The following ANK1 variants were observed in gnomAD, a reference collection of about 807,000 sequenced individuals.
The protein encoded by ANK1 is ankyrin-1.
Under a neutral mutation model 210.4 loss-of-function variants are expected in ANK1, and 51 were observed. The ratio of observed to expected loss-of-function variants is 0.24; its 90% CI spans 0.19 to 0.31. The LOEUF (loss-of-function observed/expected upper bound fraction) is 0.31. Among genes scored for constraint, ANK1 ranks in the 10% least tolerant of loss-of-function variants. ANK1 has a pLI of 1.00. For missense variants in ANK1, 2,051 were observed against 2,504.4 expected (o/e 0.82, Z 3.86); for synonymous variants, 967 against 1,025.9 (o/e 0.94, Z 1.10).
chr8:41,838,734 C>T (rs539907182), intron 1 of ANK1, among the ~76,000 whole-genome samples: 17 of 149,864 alleles, frequency 1.1e-4, no homozygotes, highest in African/African-American at 3.3e-4. Context: ...CATTGCACTC[C>T]AGCCTGGGGG....
In ANK1 at chr8:41,700,883, C is replaced by G. The variant is rs558830801; in HGVS notation, c.2461+667G>C. Among the ~76,000 whole-genome samples, 335 of 152,242 alleles carry G rather than the reference C, an allele frequency of 2.2e-3. 4 individuals are homozygous for G. Among genetic ancestry groups the G allele is most frequent in the Non-Finnish European group, 4.3e-4 (29 of 68,014 alleles). The stretch of plus-strand genomic sequence containing the variant: ...ACTCAAGCAATCCTCCCACCTCAGC[C>G]TCTGGAGTAGCTGGGACTACAGATG... On this transcript the variant is annotated intron_variant, in intron 22 of 42. Transcript: ENST00000289734.
intron 36 of ANK1, among the ~76,000 whole-genome samples, chr8:41,685,085 C>T (rs894299108): frequency 1.3e-5 from 2 of 152,166 alleles, no homozygotes; most frequent in African/African-American, 2.4e-5. Context: ...CATGCCACCA[C>T]GCCCTGCTAA....
At chr8:41,843,303 T>C (rs1444318071) in intron 1 of ANK1, among the ~76,000 whole-genome samples, 1 of 152,214 alleles carries the variant, frequency 6.6e-6, no homozygotes, top group African/African-American at 2.4e-5. Flanking sequence ...TAATACATTG[T>C]TGTGAAGTAT....
At chr8:41,838,942 T>C (rs1808346984) in intron 1 of ANK1, among the ~76,000 whole-genome samples, 1 of 151,882 alleles carries the variant, frequency 6.6e-6, no homozygotes, top group South Asian at 2.1e-4. Flanking sequence ...TACGGCATGA[T>C]GGTGCATGCC....
At chr8:41,677,899 G>A (rs796607082) in intron 37 of ANK1, among the ~76,000 whole-genome samples, 24 of 152,122 alleles carry the variant, frequency 1.6e-4, no homozygotes, top group Admixed American at 3.9e-4. Context: ...CTTGGCTTGT[G>A]TTGTTTCTAA....
intron 1 of ANK1, among the ~76,000 whole-genome samples, chr8:41,870,150 C>G (rs929126514): frequency 3.9e-5 from 6 of 152,022 alleles, no homozygotes; most frequent in African/African-American, 1.2e-4. Context: ...ACCTCTGTGC[C>G]CCGAATGAAA....
chr8:41,742,893 T>C (rs1041089719), intron 2 of ANK1, among the ~76,000 whole-genome samples: 1 of 152,188 alleles, frequency 6.6e-6, no homozygotes, highest in African/African-American at 2.4e-5. Flanking sequence ...AAGGAGGAAG[T>C]TGTCTACATA....
intron 37 of ANK1, among the ~76,000 whole-genome samples, chr8:41,680,855 A>T (rs1815752593): frequency 6.6e-6 from 1 of 152,168 alleles, no homozygotes. Flanking sequence ...CCATAGGCAG[A>T]TCCACTGGAT....
chr8:41,700,949 G>A (rs997788260), intron 22 of ANK1, among the ~76,000 whole-genome samples: 1 of 151,964 alleles, frequency 6.6e-6, no homozygotes, highest in Non-Finnish European at 1.5e-5. Flanking sequence ...CTAATTTTTT[G>A]GAGAGACGGG....
rs896900492 is a variant in ANK1, at chr8:41,672,655, C to T, written c.4795G>A (p.Glu1599Lys). ...GAGAGTGCCCCCTCCAACTTCCACT[C>T]GTGACCTGTGGCATCAGAGTCCTCA... ...KAEDSDATGHEWKLEGALSEE... is the reference protein window; with the variant it reads ...KAEDSDATGHKWKLEGALSEE... Residue 1599 changes from glutamate to lysine, a missense_variant, in exon 38 of 43, where the codon GAG becomes AAG. Physicochemically the swap from Glu to Lys is moderately conservative, Grantham distance 56. Around this residue, in one of 6 missense-constraint regions of ANK1, gnomAD observed 496 missense variants for 533.4 expected, o/e 0.93. Transcript: ENST00000289734. 4.3e-6 allele frequency: 7 copies of T among 1,614,104 alleles called. No individual in the cohort carries two copies. The highest frequency in any genetic ancestry group is 2.7e-5 in the African/African-American group (2 of 74,936).
chr8:41,701,439 T>C, intron 22 of ANK1, 111 bp downstream of exon 22: 1 of 931,322 alleles, frequency 1.1e-6, no homozygotes, highest in South Asian at 1.3e-5. Flanking sequence ...CCATCTATAG[T>C]GCTTGGGCGT....
At chr8:41,667,731 AC>A (rs781508398) in intron 39 of ANK1, among the ~76,000 whole-genome samples, 38 of 152,286 alleles carry the variant, frequency 2.5e-4, no homozygotes, top group Non-Finnish European at 4.9e-4. Flanking sequence ...CCCCTCTTCT[AC>A]TTGGTGACCG....
chr8:41,793,566 G>A (rs146892949), intron 1 of ANK1, among the ~76,000 whole-genome samples: 1 of 152,204 alleles, frequency 6.6e-6, no homozygotes, highest in Non-Finnish European at 1.5e-5. Flanking sequence ...ATGGATTAGA[G>A]GGAGTGAGAC....
At chr8:41,877,098 A>T (rs1816745159) in intron 1 of ANK1, among the ~76,000 whole-genome samples, 1 of 152,218 alleles carries the variant, frequency 6.6e-6, no homozygotes, top group Non-Finnish European at 1.5e-5. Context: ...GTTCAAGACC[A>T]GACTGGGCCA....
At chr8:41,701,907 G>A (rs1463720116) in intron 21 of ANK1, 145 bp downstream of exon 21, 2 of 872,024 alleles carry the variant, frequency 2.3e-6, no homozygotes, top group African/African-American at 3.3e-5. Flanking sequence ...GCTGGAAGGA[G>A]GACAAGCTCC....
At position 41,680,565 on chromosome 8, in the gene ANK1, C is replaced by CA. The variant is rs3063741; in HGVS notation, c.4537+3978dup. ...GGGCAACAAGGGTGAAACTCTATCT[C>CA]AAAAAAAAAAAAAAAAAAAGTATGG... On this transcript the variant is annotated intron_variant, in intron 37 of 42. Coordinates refer to ENST00000289734, the MANE Select transcript of ANK1 (RefSeq NM_000037.4). 2.4e-3 allele frequency among the ~76,000 whole-genome samples: 298 copies of CA among 123,516 alleles called. 1 individual carries two copies. The highest frequency in any genetic ancestry group is 3.3e-3 in the African/African-American group (109 of 32,658). 81.0% of individuals were successfully genotyped at this position (123,516 alleles called of 152,430 possible). A position where few individuals can be genotyped will look rare whatever the true frequency, so the allele number is the denominator to read the frequency against.
chr8:41,719,178 G>A (rs1475441868), intron 10 of ANK1, among the ~76,000 whole-genome samples: 1 of 152,204 alleles, frequency 6.6e-6, no homozygotes. Flanking sequence ...AACCACAGGA[G>A]GGATTTGCTC....
At chr8:41,807,036 G>T (rs1851068368) in intron 1 of ANK1, among the ~76,000 whole-genome samples, 1 of 152,118 alleles carries the variant, frequency 6.6e-6, no homozygotes, top group Admixed American at 6.5e-5. Flanking sequence ...AATTTATTAA[G>T]CACTTACTAT....
intron 6 of ANK1, 69 bp downstream of exon 6, chr8:41,725,692 G>A: frequency 6.4e-7 from 1 of 1,554,074 alleles, no homozygotes; most frequent in Non-Finnish European, 8.7e-7. Context: ...AAGTCGCTGG[G>A]CGTGCGCGGT....
Sources: gnomAD v4.1 joint callset for allele counts (sites outside exome capture counted in the v4.1 genomes callset) on GRCh38, gnomAD v4.1.1 for gene constraint, gnomAD v4.1.1 regional missense constraint, MANE v1.5 for transcripts, NCBI Gene and HGNC (gene_info 2026-07-23, HGNC 2026-07-21) for gene names.